The following NOL6 variants were observed in gnomAD, a reference collection of about 807,000 sequenced individuals.
The protein encoded by NOL6 is nucleolar RNA-associated protein.
In NOL6, 33 loss-of-function variants were observed where a neutral mutation model predicts 131.7. The observed-to-expected ratio is 0.25, with a 90% confidence interval of 0.19 to 0.33. NOL6 has a LOEUF of 0.33. Ranked by LOEUF, NOL6 falls within the 10% of genes least tolerant of loss-of-function variation. The pLI, the probability that NOL6 is intolerant of heterozygous loss-of-function variation, is 1.00. For missense variants in NOL6, 1,297 were observed against 1,494.5 expected, an observed-to-expected ratio of 0.87 and a Z score of 2.18; for synonymous variants, 580 against 605.7, an observed-to-expected ratio of 0.96 and a Z score of 0.62.
Position 33,468,806 on chromosome 9 carries a change from T to C in NOL6, c.1093A>G (p.Ile365Val). 6.2e-7 allele frequency: 1 copy of C among 1,614,132 alleles called. No individual in the cohort carries two copies. The highest frequency in any genetic ancestry group is 1.3e-5 in the African/African-American group (1 of 75,012). ...TGGTAGCCACTCATGGTGGTATGGATCTTGCGTGTAGACACAAGGAAGACA... is the reference window on the plus strand; with the variant it reads ...TGGTAGCCACTCATGGTGGTATGGACCTTGCGTGTAGACACAAGGAAGACA... ...LVVFLVSTRKIHTTMSGYQVL... is the reference protein window; with the variant it reads ...LVVFLVSTRKVHTTMSGYQVL... Residue 365 changes from isoleucine to valine, a missense_variant, in exon 8 of 26, where the codon ATC becomes GTC. Physicochemically the swap from Ile to Val is conservative, Grantham distance 29. Transcript: ENST00000297990.
At position 33,463,239 on chromosome 9, in the gene NOL6, G is replaced by C. The variant is rs1416925098; in HGVS notation, c.3189+8C>G. 7 of 1,613,328 alleles carry C rather than the reference G, an allele frequency of 4.3e-6. No individual in the cohort carries two copies. The highest frequency in any genetic ancestry group is 5.9e-6 in the Non-Finnish European group (7 of 1,179,526). On this transcript the variant is annotated splice_region_variant and intron_variant, in intron 24 of 25. Coordinates refer to ENST00000297990, the MANE Select transcript of NOL6 (RefSeq NM_022917.5). ...CCTCCCCAGGTCATTCAGCTGTTTA[G>C]GACCAACCCTGAGCTGCGTCAGATA...
chr9:33,468,908 G>T, intron 7 of NOL6, 36 bp from the exon 8 acceptor site: 1 of 1,614,018 alleles, frequency 6.2e-7, no homozygotes, highest in Non-Finnish European at 8.5e-7. Context: ...GTCAGAGCCT[G>T]CCCATCACAC....
Position 33,462,918 on chromosome 9 carries a change from A to G in NOL6, c.3292-105T>C, listed in dbSNP as rs1241683685. On this transcript the variant is annotated intron_variant, in intron 25 of 25. Transcript: ENST00000297990. ...GTGGTGGGGATAGAAACACAAGCCC[A>G]TACACTCCGCACCTGACACGGGTTT... The G allele has an allele frequency of 3.2e-6, 5 of 1,551,160 alleles. No individual in the cohort carries two copies. The East Asian group carries it at 9.4e-5, about 29-fold the overall frequency.
In NOL6 at chr9:33,467,133, C is replaced by A; in HGVS notation, c.1855G>T (p.Val619Phe). The part of the protein sequence containing the change: ...SQKRLIPHQV[V>F]THLLALHADI... ...ACTCACAGTGCCAAGAGGTGGGTGA[C>A]CACCTGGTGGGGAATAAGGCGCTTC... Residue 619 changes from valine to phenylalanine, a missense_variant, in exon 14 of 26, where the codon GTC becomes TTC. By Grantham distance (50) the Val-to-Phe change is conservative (BLOSUM62 -1). Coordinates refer to ENST00000297990, the MANE Select transcript of NOL6 (RefSeq NM_022917.5). This position sits in a 1 kb window ranked among gnomAD's most constrained non-coding sequence, Gnocchi z 4.4. 2 of 1,614,196 alleles carry A rather than the reference C, an allele frequency of 1.2e-6. No homozygotes were observed. The highest frequency in any genetic ancestry group is 1.7e-6 in the Non-Finnish European group (2 of 1,180,036).
rs749148431 is a variant in NOL6, at chr9:33,466,672, A to G, written c.1988T>C (p.Val663Ala). 1 of 1,613,724 alleles carries G rather than the reference A, an allele frequency of 6.2e-7. No individual in the cohort carries two copies. The highest frequency in any genetic ancestry group is 8.5e-7 in the Non-Finnish European group (1 of 1,179,942). The stretch of plus-strand genomic sequence containing the variant: ...GCGACTGAGGTCGTCGTAGCAACGT[A>G]CCGCCGCTACCAGGGCCTCCTCACC... ...STGEEALVAA[V>A]RCYDDLSRLL... Residue 663 changes from valine to alanine, a missense_variant, in exon 16 of 26, where the codon GTA becomes GCA. Val to Ala is a moderately conservative substitution (Grantham distance 64). Transcript: ENST00000297990.
intron 3 of NOL6, among the ~76,000 whole-genome samples, chr9:33,470,967 A>C (rs1452721214): frequency 6.6e-6 from 1 of 151,762 alleles, no homozygotes; most frequent in South Asian, 2.1e-4. Flanking sequence ...TAAACTTTTT[A>C]AGGCTGGAAA....
At position 33,472,401 on chromosome 9, in the gene NOL6, T is replaced by C. The variant is rs776159445; in HGVS notation, c.66A>G (p.Pro22=). The C allele has an allele frequency of 5.0e-6, 8 of 1,613,834 alleles. No homozygotes were observed. Among genetic ancestry groups the C allele is most frequent in the Non-Finnish European group, 6.8e-6 (8 of 1,179,908 alleles). ...GATGEPEVME[P]ALEGTGKEGK... ...CCTCTTTGCCTGTGCCTTCCAGGGC[T>C]GGTTCCATCACCTGTGGCCAGTGAG... is the stretch of plus-strand genomic sequence containing the variant. Residue 22 remains proline (P), a synonymous_variant, in exon 2 of 26, where the codon CCA becomes CCG. Transcript: ENST00000297990.
chr9:33,470,836 T>C (rs1485791032), intron 3 of NOL6, among the ~76,000 whole-genome samples: 1 of 151,330 alleles, frequency 6.6e-6, no homozygotes, highest in African/African-American at 2.4e-5. Flanking sequence ...CTTTCCTCCC[T>C]AGTTTGAGGA....
Position 33,464,940 on chromosome 9 carries a change from C to T in NOL6, c.2718G>A (p.Leu906=). The change falls in exon 21 of 26, where the codon TTG becomes TTA. Residue 906 remains leucine, a synonymous_variant. Transcript: ENST00000297990. ...PQVGFLRFLF[L]VSTFDWKNNP... ...TGTTCTTCCAATCAAACGTTGATACCAAGAAAAGGAATCGAAGGAAGCCAA... is the reference window on the plus strand; with the variant it reads ...TGTTCTTCCAATCAAACGTTGATACTAAGAAAAGGAATCGAAGGAAGCCAA... 1 of 1,613,902 alleles carries T rather than the reference C, an allele frequency of 6.2e-7. No individual in the cohort carries two copies. The highest frequency in any genetic ancestry group is 1.3e-5 in the African/African-American group (1 of 74,972).
chr9:33,467,893 A>T lies in NOL6; in HGVS notation c.1425-25T>A. Reference sequence around the variant, plus strand: ...ACTGGAGGGGTACAAAGGGCCAAAGAGGGGTAATCAGGTTGCTGGCCCCTA... The same window carrying T: ...ACTGGAGGGGTACAAAGGGCCAAAGTGGGGTAATCAGGTTGCTGGCCCCTA... On this transcript the variant is annotated intron_variant, in intron 11 of 25. Transcript: ENST00000297990. This position sits in a 1 kb window ranked among gnomAD's most constrained non-coding sequence, Gnocchi z 4.4. The T allele has an allele frequency of 3.8e-6, 6 of 1,581,802 alleles. No individual in the cohort carries two copies. Among genetic ancestry groups the T allele is most frequent in the Non-Finnish European group, 5.2e-6 (6 of 1,161,696 alleles).
rs757560458 is a variant in NOL6, at chr9:33,472,273, G to A, written c.194C>T (p.Thr65Ile). 21 of 1,614,102 alleles carry A rather than the reference G, an allele frequency of 1.3e-5. No individual in the cohort carries two copies. Among genetic ancestry groups the A allele is most frequent in the Non-Finnish European group, 1.8e-5 (21 of 1,180,054 alleles). The part of the protein sequence containing the change: ...LSRAELYKEP[T>I]NEELNRLRET... The stretch of plus-strand genomic sequence containing the variant: ...CCGAAGGCGATTAAGCTCCTCATTG[G>A]TAGGCTCCTTGTACAGTTCTGCCCT... The change falls in exon 2 of 26, where the codon ACC becomes ATC. Residue 65 changes from threonine to isoleucine, a missense_variant. Transcript: ENST00000297990.
chr9:33,466,669 C>T lies in NOL6; in HGVS notation c.1991G>A (p.Arg664His), dbSNP rs1317677453. 5.6e-6 allele frequency: 9 copies of T among 1,613,816 alleles called. No individual in the cohort carries two copies. Among genetic ancestry groups the T allele is most frequent in the Middle Eastern group, 1.6e-4 (1 of 6,084 alleles). The change falls in exon 16 of 26, where the codon CGT (arginine) becomes CAT (histidine). Residue 664 changes from arginine to histidine, a missense_variant. Transcript: ENST00000297990. ...TGEEALVAAV[R>H]CYDDLSRLLW... ...TAGGCGACTGAGGTCGTCGTAGCAA[C>T]GTACCGCCGCTACCAGGGCCTCCTC...
Position 33,462,598 on chromosome 9 carries a change from T to G in NOL6, c.*66A>C. 2 of 1,570,592 alleles carry G rather than the reference T, an allele frequency of 1.3e-6. No individual in the cohort carries two copies. Among genetic ancestry groups the G allele is most frequent in the Non-Finnish European group, 1.7e-6 (2 of 1,147,060 alleles). On this transcript the variant is annotated 3_prime_UTR_variant, in exon 26 of 26. Transcript: ENST00000297990. ...TGTCCAAGGAGGGTGGAGGTCATCC[T>G]ACTGACATCTTGCTCTAGAGGTCCA...
rs1325715562 is a variant in NOL6, at chr9:33,468,846, A to G, written c.1053T>C (p.Leu351=). ...DKGQGGFTGF[L]VSMLVVFLVS... ...CAAGGAAGACAACCAGCATGGAGAC[A>G]AGGAACCCAGTAAACCCACCCTGGC... The change falls in exon 8 of 26, where the codon CTT becomes CTC. Residue 351 remains leucine (L), a synonymous_variant. Transcript: ENST00000297990. 1.2e-6 allele frequency: 2 copies of G among 1,614,044 alleles called. No homozygotes were observed. Among genetic ancestry groups the G allele is most frequent in the Non-Finnish European group, 1.7e-6 (2 of 1,180,036 alleles).
At position 33,465,020 on chromosome 9, in the gene NOL6, AT is replaced by A. The variant is rs759328552; in HGVS notation, c.2682-45del. On this transcript the variant is annotated intron_variant, in intron 20 of 25. Transcript: ENST00000297990. ...CAAAGAATCCAGGGCCCAGCCACAT[AT>A]CCCCAGGCTTCTCTCAGGCTATGGA... 2,720 of 1,538,808 alleles carry A rather than the reference AT, an allele frequency of 1.8e-3. 1 individual carries two copies. The highest frequency in any genetic ancestry group is 2.3e-3 in the Non-Finnish European group (2,541 of 1,113,972).
rs762487606 is a variant in NOL6 at position 33,466,396 on chromosome 9, G to A, written c.2121C>T (p.Ala707=). ...EVFPPTPVRP[A]FSFYETLRER... is the part of the protein sequence containing the mutation. ...CCCGCAGAGTCTCATAGAAGGAGAA[G>A]GCTGGACGGACTGGAGTTGGTGGGA... The change falls in exon 17 of 26, where the codon GCC becomes GCT. Residue 707 remains alanine (A), a synonymous_variant. Transcript: ENST00000297990. 1.2e-6 allele frequency: 2 copies of A among 1,614,232 alleles called. No individual in the cohort carries two copies. Among genetic ancestry groups the A allele is most frequent in the Non-Finnish European group, 1.7e-6 (2 of 1,180,040 alleles).
At position 33,462,023 on chromosome 9, in the gene NOL6, C is replaced by G; in HGVS notation, c.*641G>C. ...CCAAGATTGGGTGACTACCAGTCCCCTGACCCCTTCACCTACCCAATCCTT... is the reference window on the plus strand; with the variant it reads ...CCAAGATTGGGTGACTACCAGTCCCGTGACCCCTTCACCTACCCAATCCTT... On this transcript the variant is annotated 3_prime_UTR_variant, in exon 26 of 26. Coordinates refer to ENST00000297990, the MANE Select transcript of NOL6 (RefSeq NM_022917.5). 1 of 664,362 alleles carries G rather than the reference C, an allele frequency of 1.5e-6. No individual in the cohort carries two copies. Among genetic ancestry groups the G allele is most frequent in the Non-Finnish European group, 2.8e-6 (1 of 355,484 alleles). The allele number at this position is 664,362 out of a possible 1,614,324, so 41.2% of individuals were successfully genotyped here. A position where few individuals can be genotyped will look rare whatever the true frequency, so the allele number is the denominator to read the frequency against.
Position 33,467,697 on chromosome 9 carries a change from G to A in NOL6, c.1596C>T (p.Val532=). The change falls in exon 12 of 26, where the codon GTC becomes GTT. Residue 532 remains valine (V), a synonymous_variant. Coordinates refer to ENST00000297990, the MANE Select transcript of NOL6 (RefSeq NM_022917.5). The surrounding 1 kb of genome is among the most constrained non-coding windows in gnomAD (Gnocchi z 4.4). ...CCAACCTACACCACCTCACCTCTGG[G>A]ACTGGGGGTCGAGAGTGAGCCAGCA... ...LNLLAHSRPP[V]PEWDISQDPP... 1 of 1,563,336 alleles carries A rather than the reference G, an allele frequency of 6.4e-7. No homozygotes were observed. The highest frequency in any genetic ancestry group is 8.6e-7 in the Non-Finnish European group (1 of 1,156,334).
chr9:33,465,051 A>G (rs917845724), intron 20 of NOL6, 75 bp from the exon 21 acceptor site: 1 of 1,475,902 alleles, frequency 6.8e-7, no homozygotes, highest in Non-Finnish European at 9.4e-7. Flanking sequence ...TATGGAGCTC[A>G]GACCCCCTGG....
Sources: allele counts gnomAD v4.1 joint callset (sites outside exome capture counted in the v4.1 genomes callset), GRCh38; gene constraint gnomAD v4.1.1; non-coding constraint Gnocchi (gnomAD v3.1); transcripts MANE v1.5; gene names NCBI Gene and HGNC (gene_info 2026-07-23, HGNC 2026-07-21).